SYK: variants seen among roughly 807,000 people sequenced by gnomAD.
SYK encodes the protein tyrosine-protein kinase SYK.
Under a neutral mutation model 77.8 loss-of-function variants are expected in SYK, and 16 were observed. That is an observed-to-expected ratio of 0.21 (90% confidence interval 0.14 to 0.31). The LOEUF (loss-of-function observed/expected upper bound fraction) is 0.31, where lower values mean the gene tolerates loss of function less well. Among genes scored for constraint, SYK ranks in the 10% least tolerant of loss-of-function variants. SYK has a pLI of 1.00. For synonymous variants in SYK, 312 were observed against 308.7 expected, an observed-to-expected ratio of 1.01 and a Z score of -0.11; for missense variants, 529 against 814.4, an observed-to-expected ratio of 0.65 and a Z score of 4.26.
chr9:90,864,540 T>G, intron 4 of SYK, 49 bp from the exon 5 acceptor site: 3 of 1,525,520 alleles, frequency 2.0e-6, no homozygotes, highest in Non-Finnish European at 2.7e-6. Context: ...ACTATTTGTC[T>G]ATTTCCTGAC....
At chr9:90,817,674 A>G (rs1031560200) in intron 1 of SYK, among the ~76,000 whole-genome samples, 1 of 151,598 alleles carries the variant, frequency 6.6e-6, no homozygotes, top group African/African-American at 2.4e-5. Flanking sequence ...CTTTTGGGAC[A>G]TTTTTCTCAT....
In SYK at chr9:90,870,142, T is replaced by A; in HGVS notation, c.915+2943T>A. ...AAGAAAAGAAAAGAAATTAGTAACA[T>A]ACTTATAAAGTATAAACAAAATTAA... On this transcript the variant is annotated intron_variant, in intron 7 of 13. Coordinates refer to ENST00000375754, the MANE Select transcript of SYK (RefSeq NM_003177.7). Among the ~76,000 whole-genome samples the A allele has an allele frequency of 2.0e-5, 3 of 152,300 alleles. 1 individual carries two copies. In the Middle Eastern group the frequency reaches 0.01, roughly 518 times the overall value.
chr9:90,812,642 C>T (rs903526862), intron 1 of SYK, among the ~76,000 whole-genome samples: 2 of 152,048 alleles, frequency 1.3e-5, no homozygotes, highest in Non-Finnish European at 1.5e-5. Flanking sequence ...AGGTTTCCAC[C>T]AAATTGGGAT....
rs748752350 is a variant in SYK at position 90,867,140 on chromosome 9, G to T, written c.856G>T (p.Ala286Ser). 6.2e-7 allele frequency: 1 copy of T among 1,614,128 alleles called. No individual in the cohort carries two copies. Among genetic ancestry groups the T allele is most frequent in the Admixed American group, 1.7e-5 (1 of 60,026 alleles). The stretch of plus-strand genomic sequence containing the variant: ...CCGTTGTGGTTTCTAGACTTGGTCA[G>T]CGGGTGGAATAATCTCAAGAATCAA... ...LPGSHPATWS[A>S]GGIISRIKSY... Residue 286 changes from alanine to serine, a missense_variant, in exon 7 of 14, where the codon GCG (alanine) becomes TCG (serine). Transcript: ENST00000375754.
In SYK at chr9:90,867,386, T is replaced by G. The variant is rs778872751; in HGVS notation, c.915+187T>G. On this transcript the variant is annotated intron_variant, in intron 7 of 13. Coordinates refer to ENST00000375754, the MANE Select transcript of SYK (RefSeq NM_003177.7). ...CCGCGCCCCAGGTACATCATGTGCT[T>G]TTCATGTGGGTCCTCAGTCCGTCAG... Among the ~76,000 whole-genome samples the G allele has an allele frequency of 3.9e-5, 6 of 152,330 alleles. No homozygotes were observed. In the Middle Eastern group the frequency reaches 0.01, roughly 259 times the overall value.
intron 1 of SYK, among the ~76,000 whole-genome samples, chr9:90,811,203 TATAC>T (rs1057295106): frequency 1.3e-5 from 2 of 152,002 alleles, no homozygotes; most frequent in Non-Finnish European, 2.9e-5. Flanking sequence ...AATGAAAAAA[TATAC>T]AAATAAGTGA....
At chr9:90,808,575 G>A (rs1233946976) in intron 1 of SYK, among the ~76,000 whole-genome samples, 1 of 151,982 alleles carries the variant, frequency 6.6e-6, no homozygotes, top group Non-Finnish European at 1.5e-5. Context: ...GGGCAGGATG[G>A]GCCCATAACT....
chr9:90,841,051 G>A (rs1048388065), intron 1 of SYK, among the ~76,000 whole-genome samples: 1 of 151,560 alleles, frequency 6.6e-6, no homozygotes, highest in East Asian at 2.0e-4. Context: ...TGTGTATGTA[G>A]TGTAGTGTTA....
rs754399366 is a variant in SYK at position 90,865,071 on chromosome 9, C to A, written c.820C>A (p.Pro274Thr). The A allele has an allele frequency of 4.3e-6, 7 of 1,614,142 alleles. No individual in the cohort carries two copies. Among genetic ancestry groups the A allele is most frequent in the Non-Finnish European group, 5.9e-6 (7 of 1,180,008 alleles). ...TQGNVNFGGR[P>T]QLPGSHPATW... ...AGGAAATGTTAATTTTGGAGGCCGT[C>A]CACAACTTCCAGGTTCCCATCCTGC... Residue 274 changes from proline (P) to threonine (T), a missense_variant, in exon 6 of 14, where the codon CCA (proline) becomes ACA (threonine). Transcript: ENST00000375754.
chr9:90,867,267 G>A (rs543406672), intron 7 of SYK, 68 bp downstream of exon 7: 14 of 1,482,282 alleles, frequency 9.4e-6, no homozygotes, highest in African/African-American at 2.8e-5. Flanking sequence ...GCTCCCGCCC[G>A]CCCAGTCTGC....
intron 1 of SYK, among the ~76,000 whole-genome samples, chr9:90,815,094 T>C (rs975819227): frequency 4.1e-5 from 6 of 148,074 alleles, no homozygotes; most frequent in African/African-American, 1.5e-4. Context: ...TCTCTTCGGT[T>C]AAAAAAAAAA....
At chr9:90,807,237 A>G (rs7865309) in intron 1 of SYK, among the ~76,000 whole-genome samples, 3,479 of 152,262 alleles carry the variant, frequency 0.023, 132 homozygotes, top group African/African-American at 0.079. Flanking sequence ...TTGGGAAACC[A>G]TGCATGACCT....
At chr9:90,861,095 G>A (rs1472400887) in intron 3 of SYK, among the ~76,000 whole-genome samples, 7 of 152,154 alleles carry the variant, frequency 4.6e-5, no homozygotes, top group Admixed American at 4.6e-4. Context: ...GGAGAATGGG[G>A]CAGTGTGTGT....
At chr9:90,845,863 C>A (rs945489508) in intron 3 of SYK, among the ~76,000 whole-genome samples, 4 of 152,200 alleles carry the variant, frequency 2.6e-5, no homozygotes, top group Admixed American at 2.6e-4. Flanking sequence ...TGTGATTCAG[C>A]CCCATATTCT....
At chr9:90,833,360 CTA>C (rs1339916788) in intron 1 of SYK, among the ~76,000 whole-genome samples, 9 of 152,352 alleles carry the variant, frequency 5.9e-5, no homozygotes. Flanking sequence ...AATGGAGTGT[CTA>C]TTCTAGTGGC....
intron 11 of SYK, among the ~76,000 whole-genome samples, chr9:90,886,460 T>A (rs1266016373): frequency 6.6e-6 from 1 of 152,116 alleles, no homozygotes; most frequent in Non-Finnish European, 1.5e-5. Flanking sequence ...ATCCCAGCAG[T>A]TTTGGAAGCC....
intron 3 of SYK, among the ~76,000 whole-genome samples, chr9:90,853,858 A>G (rs1169103793): frequency 6.6e-6 from 1 of 152,086 alleles, no homozygotes; most frequent in Non-Finnish European, 1.5e-5. Flanking sequence ...GTACCCTAAA[A>G]CTTAAAGTAT....
chr9:90,802,881 A>G (rs1367856571), intron 1 of SYK, among the ~76,000 whole-genome samples: 1 of 148,206 alleles, frequency 6.7e-6, no homozygotes, highest in Non-Finnish European at 1.5e-5. Flanking sequence ...TAAAAAAAGG[A>G]ACCATTTAAT....
intron 1 of SYK, among the ~76,000 whole-genome samples, chr9:90,811,119 A>G (rs770338903): frequency 2.6e-5 from 4 of 152,240 alleles, no homozygotes; most frequent in Admixed American, 1.3e-4. Flanking sequence ...GTGATAAAAC[A>G]TATGAATTTA....
Sources: allele counts gnomAD v4.1 joint callset (sites outside exome capture counted in the v4.1 genomes callset), GRCh38; gene constraint gnomAD v4.1.1; transcripts MANE v1.5; gene names NCBI Gene and HGNC (gene_info 2026-07-23, HGNC 2026-07-21).